Variants in VWF observed in about 807,000 individuals in gnomAD.
VWF encodes the protein Factor VIII related antigen.
Under a neutral mutation model 308.6 loss-of-function variants are expected in VWF, and 176 were observed. That is an observed-to-expected ratio of 0.57 (90% CI 0.50 to 0.65). VWF has a LOEUF of 0.65. Among genes scored for constraint, VWF ranks in the 30% least tolerant of loss-of-function variants. The pLI is 0.00. For missense variants in VWF, 3,146 were observed against 3,648.2 expected (o/e 0.86, Z 3.55); for synonymous variants, 1,385 against 1,443.4 (o/e 0.96, Z 0.92).
rs549516977 is a variant in VWF at position 6,046,958 on chromosome 12, G to A, written c.2187-141C>T. On this transcript the variant is annotated intron_variant, in intron 16 of 51. Coordinates refer to ENST00000261405, the MANE Select transcript of VWF (RefSeq NM_000552.5). This position sits in a 1 kb window ranked among gnomAD's most constrained non-coding sequence, Gnocchi z 5.0. Reference sequence around the variant, plus strand: ...CCCTCCTGAAGCACAGCTTGCTAACGTTACCAATGGATGATCCCCACGTCA... The same window carrying A: ...CCCTCCTGAAGCACAGCTTGCTAACATTACCAATGGATGATCCCCACGTCA... 68 of 745,208 alleles carry A rather than the reference G, an allele frequency of 9.1e-5. No homozygotes were observed. Among genetic ancestry groups the A allele is most frequent in the East Asian group, 4.0e-4 (15 of 37,324 alleles). 46.2% of individuals were successfully genotyped at this position (745,208 alleles called of 1,614,324 possible). A position where few individuals can be genotyped will look rare whatever the true frequency, so the allele number is the denominator to read the frequency against.
In VWF at chr12:6,073,643, A is replaced by G. The variant is rs1352009704; in HGVS notation, c.973T>C (p.Cys325Arg). ...CCAGGGCAGCTGCAGCCATCCACGC[A>G]TCGCTCCTGACACATTTCATTGATG... The part of the protein sequence containing the change: ...LHINEMCQER[C>R]VDGCSCPEGQ... Residue 325 changes from cysteine (C) to arginine (R), a missense_variant, in exon 8 of 52, where the codon TGC (cysteine) becomes CGC (arginine). Transcript: ENST00000261405. 1 of 1,614,148 alleles carries G rather than the reference A, an allele frequency of 6.2e-7. No individual in the cohort carries two copies. The highest frequency in any genetic ancestry group is 8.5e-7 in the Non-Finnish European group (1 of 1,180,030).
chr12:6,108,725 T>G (rs2136519642), intron 5 of VWF, among the ~76,000 whole-genome samples: 1 of 152,236 alleles, frequency 6.6e-6, no homozygotes, highest in South Asian at 2.1e-4. Context: ...CTCACACCTG[T>G]AAGCCCAGCA....
chr12:5,999,152 T>C (rs2136391470), intron 34 of VWF, among the ~76,000 whole-genome samples: 1 of 152,178 alleles, frequency 6.6e-6, no homozygotes, highest in African/African-American at 2.4e-5. Context: ...CAAGGAGAAC[T>C]GAAAAGAAGA....
In VWF at chr12:6,020,892, G is replaced by C. The variant is rs903264711; in HGVS notation, c.3674+1008C>G. Reference sequence around the variant, plus strand: ...TGTGCCAGCAAAGGAGGTGGGGAGAGGGCTCGAAGCTCTCATGCCCTTTTG... The same window carrying C: ...TGTGCCAGCAAAGGAGGTGGGGAGACGGCTCGAAGCTCTCATGCCCTTTTG... On this transcript the variant is annotated intron_variant, in intron 27 of 51. Transcript: ENST00000261405. This position sits in a 1 kb window ranked among gnomAD's most constrained non-coding sequence, Gnocchi z 4.3. Among the ~76,000 whole-genome samples, 5 of 152,144 alleles carry C rather than the reference G, an allele frequency of 3.3e-5. No individual in the cohort carries two copies. Among genetic ancestry groups the C allele is most frequent in the African/African-American group, 1.2e-4 (5 of 41,380 alleles).
In VWF at chr12:6,046,611, C is replaced by A; in HGVS notation, c.2281+112G>T. 1 of 1,095,922 alleles carries A rather than the reference C, an allele frequency of 9.1e-7. No homozygotes were observed. Among genetic ancestry groups the A allele is most frequent in the Non-Finnish European group, 1.4e-6 (1 of 718,172 alleles). 67.9% of individuals were successfully genotyped at this position (1,095,922 alleles called of 1,614,324 possible). A position where few individuals can be genotyped will look rare whatever the true frequency, so the allele number is the denominator to read the frequency against. On this transcript the variant is annotated intron_variant, in intron 17 of 51. Transcript: ENST00000261405. The surrounding 1 kb of genome is among the most constrained non-coding windows in gnomAD (Gnocchi z 5.0). ...GATCCTGGGCGAAGCCAGACCCATG[C>A]CTGGGTGCACACGCACATCTGACGG...
At chr12:5,979,464 T>G (rs574905705) in intron 42 of VWF, among the ~76,000 whole-genome samples, 3 of 152,354 alleles carry the variant, frequency 2.0e-5, no homozygotes, top group Admixed American at 1.3e-4. Context: ...CAAAGTGGGA[T>G]AGCTGGGCCA....
chr12:5,980,893 C>T (rs1943597767), intron 42 of VWF, among the ~76,000 whole-genome samples: 1 of 152,232 alleles, frequency 6.6e-6, no homozygotes, highest in Non-Finnish European at 1.5e-5. Context: ...TTTCAGTTCT[C>T]ACTCCGCCAC....
At chr12:6,013,119 G>T (rs1944016972) in intron 32 of VWF, among the ~76,000 whole-genome samples, 1 of 152,150 alleles carries the variant, frequency 6.6e-6, no homozygotes, top group African/African-American at 2.4e-5. Flanking sequence ...GTTAGTCTAG[G>T]CCCATGGGGA....
At chr12:6,011,873 C>G in intron 33 of VWF, 79 bp from the exon 34 acceptor site, 1 of 1,430,788 alleles carries the variant, frequency 7.0e-7, no homozygotes, top group South Asian at 1.2e-5. Context: ...AGACAACTGA[C>G]CCCTAGAATT....
chr12:5,981,866 C>T lies in VWF; in HGVS notation c.7207G>A (p.Val2403Met), dbSNP rs147705313. 5.6e-6 allele frequency: 9 copies of T among 1,608,512 alleles called. No homozygotes were observed. The African/African-American group carries it at 1.2e-4, about 22-fold the overall frequency. The stretch of plus-strand genomic sequence containing the variant: ...GCCAAGTACCCAAGGGGACAGCTCA[C>T]TGTGGAGTTGACACAGTTGCAGGCA... Reference protein sequence around the residue: ...ECACNCVNSTVSCPLGYLAST... With the variant: ...ECACNCVNSTMSCPLGYLAST... Residue 2403 changes from valine (V) to methionine (M), a missense_variant, in exon 42 of 52, where the codon GTG (valine) becomes ATG (methionine). Transcript: ENST00000261405.
intron 5 of VWF, among the ~76,000 whole-genome samples, chr12:6,105,338 C>T (rs1170710107): frequency 6.6e-6 from 1 of 152,122 alleles, no homozygotes; most frequent in Admixed American, 6.5e-5. Flanking sequence ...AAGCAACTCT[C>T]CTGCCTCAGC....
chr12:6,015,429 G>A (rs894525016), intron 31 of VWF, among the ~76,000 whole-genome samples: 1 of 151,932 alleles, frequency 6.6e-6, no homozygotes, highest in African/African-American at 2.4e-5. Flanking sequence ...CTCCTAGGCA[G>A]GGTTCTGAAA....
At chr12:5,966,634 G>T (rs538903394) in intron 47 of VWF, among the ~76,000 whole-genome samples, 1 of 151,036 alleles carries the variant, frequency 6.6e-6, no homozygotes, top group African/African-American at 2.4e-5. Flanking sequence ...CTTATAAGAG[G>T]CTCCTCTCCA....
chr12:5,959,814 C>G (rs1591831346), intron 47 of VWF, among the ~76,000 whole-genome samples: 1 of 151,578 alleles, frequency 6.6e-6, no homozygotes, highest in Non-Finnish European at 1.5e-5. Flanking sequence ...AACAATATAT[C>G]AAAATCTGAG....
At chr12:6,025,344 G>A (rs184911391) in intron 24 of VWF, among the ~76,000 whole-genome samples, 4,965 of 152,294 alleles carry the variant, frequency 0.033, 242 homozygotes, top group African/African-American at 0.11. Context: ...ATGCCAAGGG[G>A]AGTTACTTCT....
intron 22 of VWF, 138 bp downstream of exon 22, chr12:6,029,204 T>A (rs539756798): frequency 9.1e-7 from 1 of 1,094,212 alleles, no homozygotes; most frequent in African/African-American, 1.6e-5. Flanking sequence ...CAAGAAGAGC[T>A]AACTATCCTA....
intron 3 of VWF, among the ~76,000 whole-genome samples, chr12:6,111,829 G>GTTCACCC (rs1318756340): frequency 6.6e-6 from 1 of 152,054 alleles, no homozygotes; most frequent in Non-Finnish European, 1.5e-5. Flanking sequence ...GAGGTGGCTG[G>GTTCACCC]CGTCTGTGGT....
Position 6,019,003 on chromosome 12 carries a change from TCG to T in VWF, c.4413_4414del (p.Asp1472HisfsTer39), listed in dbSNP as rs1944096603. 1 of 1,613,642 alleles carries T rather than the reference TCG, an allele frequency of 6.2e-7. No individual in the cohort carries two copies. Among genetic ancestry groups the T allele is most frequent in the East Asian group, 2.2e-5 (1 of 44,874 alleles). On this transcript the variant is annotated frameshift_variant, in exon 28 of 52. Coordinates refer to ENST00000261405, the MANE Select transcript of VWF (RefSeq NM_000552.5). LOFTEE classifies it high-confidence loss of function. This position sits in a 1 kb window ranked among gnomAD's most constrained non-coding sequence, Gnocchi z 5.8. ...CGGGCCCACAGTGACTTGTGCCATG[TCG>T]GGGGGCAGAGTAGGAGGAGGGGCTT...
In VWF at chr12:6,058,507, G is replaced by A. The variant is rs538765302; in HGVS notation, c.1534-463C>T. On this transcript the variant is annotated intron_variant, in intron 13 of 51. Transcript: ENST00000261405. The surrounding 1 kb of genome is among the most constrained non-coding windows in gnomAD (Gnocchi z 4.9). The stretch of plus-strand genomic sequence containing the variant: ...AGGCCCCTCTATATAGAAAGACTTC[G>A]CGTTGGTCACTCGGTGTGGGCCCAG... Among the ~76,000 whole-genome samples, 88 of 152,224 alleles carry A rather than the reference G, an allele frequency of 5.8e-4. No individual in the cohort carries two copies. Among genetic ancestry groups the A allele is most frequent in the African/African-American group, 1.7e-3 (71 of 41,544 alleles).
Sources: gnomAD v4.1 joint callset for allele counts (sites outside exome capture counted in the v4.1 genomes callset) on GRCh38, gnomAD v4.1.1 for gene constraint, Gnocchi (gnomAD v3.1) non-coding constraint, MANE v1.5 for transcripts, NCBI Gene and HGNC (gene_info 2026-07-23, HGNC 2026-07-21) for gene names.